Variants in ILRUN observed in about 807,000 individuals in gnomAD.
ILRUN encodes the protein protein ILRUN.
A neutral mutation model predicts 33.8 loss-of-function variants in ILRUN; 3 were observed. That is an observed-to-expected ratio of 0.09 (90% confidence interval 0.04 to 0.23). ILRUN has a LOEUF of 0.23. Among genes scored for constraint, ILRUN ranks in the 10% least tolerant of loss-of-function variants. The pLI is 1.00. For synonymous variants in ILRUN, 124 were observed against 138.9 expected, an observed-to-expected ratio of 0.89 and a Z score of 0.75; for missense variants, 210 against 375.1, an observed-to-expected ratio of 0.56 and a Z score of 3.64.
chr6:34,658,310 C>T (rs574865132), intron 1 of ILRUN, among the ~76,000 whole-genome samples: 2 of 150,206 alleles, frequency 1.3e-5, no homozygotes, highest in South Asian at 2.1e-4. Flanking sequence ...TGCCACTGCA[C>T]TCACTCTGAC....
intron 3 of ILRUN, among the ~76,000 whole-genome samples, chr6:34,632,676 C>A (rs1011393054): frequency 1.6e-5 from 2 of 127,310 alleles, no homozygotes; most frequent in Non-Finnish European, 1.6e-5. Flanking sequence ...CTAACACACC[C>A]GGCTAATTTT....
chr6:34,623,985 C>A (rs989403603), intron 3 of ILRUN, among the ~76,000 whole-genome samples: 1 of 152,222 alleles, frequency 6.6e-6, no homozygotes, highest in African/African-American at 2.4e-5. Context: ...GTGCCTGTCA[C>A]CACGCCCAGC....
In ILRUN at chr6:34,668,643, C is replaced by T. The variant is rs182218084; in HGVS notation, c.159-13864G>A. On this transcript the variant is annotated intron_variant, in intron 1 of 4. Coordinates refer to ENST00000374023, the MANE Select transcript of ILRUN (RefSeq NM_024294.4). The stretch of plus-strand genomic sequence containing the variant: ...AGTCAAGACTCAGCCTTATCCAAGA[C>T]GCCTTCAGAGGCTACCTGTGAGAAC... Among the ~76,000 whole-genome samples the T allele has an allele frequency of 6.2e-3, 947 of 152,198 alleles. 8 individuals carry two copies. The highest frequency in any genetic ancestry group is 9.4e-3 in the Non-Finnish European group (641 of 68,016).
rs1323484133 is a variant in ILRUN at position 34,683,131 on chromosome 6, T to TAC, written c.158+13313_158+13314dup. Among the ~76,000 whole-genome samples the TAC allele has an allele frequency of 7.4e-5, 11 of 147,848 alleles. No homozygotes were observed. In the East Asian group the frequency reaches 1.2e-3, roughly 16 times the overall value. ...ACCCTGTCTCAAAAAAATATATATA[T>TAC]ACACACACACACATATAAATACACA... is the stretch of plus-strand genomic sequence containing the variant. On this transcript the variant is annotated intron_variant, in intron 1 of 4. Coordinates refer to ENST00000374023, the MANE Select transcript of ILRUN (RefSeq NM_024294.4).
In ILRUN at chr6:34,693,646, CTCAA is replaced by C. The variant is rs1165006917; in HGVS notation, c.158+2796_158+2799del. On this transcript the variant is annotated intron_variant, in intron 1 of 4. Coordinates refer to ENST00000374023, the MANE Select transcript of ILRUN (RefSeq NM_024294.4). ...TGAGCATAAGTTTTTTATATAAAAA[CTCAA>C]ATAGAAGTTTTATTTTATTTTATTT... is the stretch of plus-strand genomic sequence containing the variant. Among the ~76,000 whole-genome samples, 380 of 151,154 alleles carry C rather than the reference CTCAA, an allele frequency of 2.5e-3. 4 individuals are homozygous for C. The highest frequency in any genetic ancestry group is 8.4e-3 in the African/African-American group (347 of 41,068).
chr6:34,688,792 G>A (rs754437416), intron 1 of ILRUN, among the ~76,000 whole-genome samples: 11 of 151,344 alleles, frequency 7.3e-5, no homozygotes, highest in Non-Finnish European at 1.2e-4. Flanking sequence ...CAGCCTGGGC[G>A]ACAACAACAA....
chr6:34,685,302 A>C (rs552469377), intron 1 of ILRUN: 4 of 152,142 alleles, frequency 2.6e-5, no homozygotes, highest in Admixed American at 2.6e-4. Context: ...GAAAAGGATA[A>C]ATTGACCTTT....
In ILRUN at chr6:34,668,989, G is replaced by A. The variant is rs567918036; in HGVS notation, c.159-14210C>T. 7.2e-5 allele frequency among the ~76,000 whole-genome samples: 11 copies of A among 151,878 alleles called. No homozygotes were observed. The East Asian group carries it at 2.1e-3, about 29-fold the overall frequency. ...CTCCTGAGTAGCTGGGATTACAGGT[G>A]TGCGCCACCACACCTGGCTAATTTT... On this transcript the variant is annotated intron_variant, in intron 1 of 4. Coordinates refer to ENST00000374023, the MANE Select transcript of ILRUN (RefSeq NM_024294.4).
intron 1 of ILRUN, among the ~76,000 whole-genome samples, chr6:34,688,090 T>C (rs1217667608): frequency 6.6e-6 from 1 of 151,450 alleles, no homozygotes; most frequent in Non-Finnish European, 1.5e-5. Context: ...TGGAATACTA[T>C]CAAGCCATAA....
intron 3 of ILRUN, among the ~76,000 whole-genome samples, chr6:34,631,089 G>A (rs1374499740): frequency 6.6e-6 from 1 of 151,980 alleles, no homozygotes; most frequent in African/African-American, 2.4e-5. Context: ...AAAATTCCTG[G>A]CCTAATAATT....
At chr6:34,690,823 T>C (rs918015449) in intron 1 of ILRUN, among the ~76,000 whole-genome samples, 10 of 152,252 alleles carry the variant, frequency 6.6e-5, no homozygotes, top group Non-Finnish European at 2.9e-5. Context: ...TTAAACATTA[T>C]AATAAGGTAT....
At chr6:34,658,254 G>T (rs573086310) in intron 1 of ILRUN, among the ~76,000 whole-genome samples, 1 of 151,228 alleles carries the variant, frequency 6.6e-6, no homozygotes, top group Admixed American at 6.6e-5. Context: ...TGAGATAGGC[G>T]AATTGCTTGA....
intron 2 of ILRUN, among the ~76,000 whole-genome samples, chr6:34,649,943 G>T (rs1469068426): frequency 6.6e-6 from 1 of 152,054 alleles, no homozygotes; most frequent in East Asian, 1.9e-4. Flanking sequence ...GAAAAATGGG[G>T]GAAATAATTG....
chr6:34,626,900 G>T (rs923848226), intron 3 of ILRUN, among the ~76,000 whole-genome samples: 1 of 152,018 alleles, frequency 6.6e-6, no homozygotes, highest in Admixed American at 6.6e-5. Context: ...AGCTACTCGG[G>T]AGGCTGAGAA....
At chr6:34,591,122 C>G (rs1761284822) in intron 4 of ILRUN, among the ~76,000 whole-genome samples, 1 of 152,194 alleles carries the variant, frequency 6.6e-6, no homozygotes, top group Non-Finnish European at 1.5e-5. Flanking sequence ...CACCTCTTCC[C>G]TAAAAGCCAG....
At chr6:34,599,814 G>A (rs1761472193) in intron 4 of ILRUN, among the ~76,000 whole-genome samples, 1 of 152,168 alleles carries the variant, frequency 6.6e-6, no homozygotes, top group Non-Finnish European at 1.5e-5. Context: ...ATGGAACCCT[G>A]TTCTCTCCCC....
chr6:34,625,393 T>A (rs193251393), intron 3 of ILRUN, among the ~76,000 whole-genome samples: 49 of 152,256 alleles, frequency 3.2e-4, no homozygotes, highest in African/African-American at 8.9e-4. Flanking sequence ...TAGGGGTACT[T>A]AGAACTCCCT....
chr6:34,621,579 C>A (rs937068746), intron 3 of ILRUN, among the ~76,000 whole-genome samples: 3 of 152,140 alleles, frequency 2.0e-5, no homozygotes, highest in Non-Finnish European at 4.4e-5. Context: ...CACAAAGTGG[C>A]CCGGCATGGT....
intron 4 of ILRUN, among the ~76,000 whole-genome samples, chr6:34,600,272 ACT>A (rs1761482111): frequency 1.3e-5 from 2 of 151,842 alleles, no homozygotes; most frequent in Non-Finnish European, 1.5e-5. Flanking sequence ...ATCTTCTTCT[ACT>A]CTCTCTCGTG....
Sources: allele counts gnomAD v4.1 joint callset (sites outside exome capture counted in the v4.1 genomes callset), GRCh38; gene constraint gnomAD v4.1.1; transcripts MANE v1.5; gene names NCBI Gene and HGNC (gene_info 2026-07-23, HGNC 2026-07-21).